GPC3: variants seen among roughly 807,000 people sequenced by gnomAD.
GPC3 encodes glypican-3.
Under a neutral mutation model 34.4 loss-of-function variants are expected in GPC3, and 3 were observed. That is an observed-to-expected ratio of 0.09 (90% CI 0.04 to 0.23). The LOEUF (loss-of-function observed/expected upper bound fraction) is 0.23, where lower values mean the gene tolerates loss of function less well. GPC3 is among the 10% of genes least tolerant of loss of function. The pLI is 1.00. For synonymous variants in GPC3, 177 were observed against 174.0 expected, an observed-to-expected ratio of 1.02 and a Z score of -0.13; for missense variants, 351 against 445.6, an observed-to-expected ratio of 0.79 and a Z score of 1.91.
chrX:133,610,252 G>T (rs2070095873), intron 6 of GPC3, among the ~76,000 whole-genome samples: 1 of 111,417 alleles, frequency 9.0e-6, no homozygotes, highest in Non-Finnish European at 1.9e-5. Flanking sequence ...CATTTTGCTT[G>T]CTCCTGGGAC....
chrX:133,690,114 A>G (rs1349486128), intron 5 of GPC3, among the ~76,000 whole-genome samples: 1 of 111,755 alleles, frequency 8.9e-6, no homozygotes, highest in Non-Finnish European at 1.9e-5. Flanking sequence ...AGGCTGATTT[A>G]CATTTGCCAG....
At chrX:133,702,011 A>C (rs2071172008) in intron 3 of GPC3, among the ~76,000 whole-genome samples, 1 of 112,452 alleles carries the variant, frequency 8.9e-6, no homozygotes, top group African/African-American at 3.2e-5. Flanking sequence ...TTTGGAATGC[A>C]TGATACTGAA....
intron 2 of GPC3, among the ~76,000 whole-genome samples, chrX:133,859,070 G>A (rs1398283346): frequency 2.7e-4 from 27 of 100,621 alleles, no homozygotes; most frequent in African/African-American, 9.6e-4. Context: ...GACAGAGTGA[G>A]ACTCTGTCTC....
At chrX:133,930,270 G>A (rs993121021) in intron 2 of GPC3, among the ~76,000 whole-genome samples, 3 of 112,009 alleles carry the variant, frequency 2.7e-5, no homozygotes, top group Non-Finnish European at 5.6e-5. Flanking sequence ...TGTCACAACT[G>A]GAGAGAGGTA....
intron 7 of GPC3, among the ~76,000 whole-genome samples, chrX:133,570,092 C>A (rs191361939): frequency 2.2e-4 from 24 of 110,873 alleles, no homozygotes; most frequent in African/African-American, 7.5e-4. Context: ...GGGGTTTCAC[C>A]GTGTTAGTCA....
At chrX:133,649,165 G>A (rs1036706411) in intron 6 of GPC3, among the ~76,000 whole-genome samples, 3 of 111,038 alleles carry the variant, frequency 2.7e-5, no homozygotes, top group Admixed American at 9.6e-5. Flanking sequence ...GTAGGTGGGG[G>A]GGATTCTCTA....
At chrX:133,569,050 C>A (rs1181468038) in intron 7 of GPC3, among the ~76,000 whole-genome samples, 2 of 110,849 alleles carry the variant, frequency 1.8e-5, no homozygotes, top group African/African-American at 3.3e-5. Flanking sequence ...GCCTGTAGTC[C>A]CAGCTACTTG....
intron 7 of GPC3, among the ~76,000 whole-genome samples, chrX:133,556,109 A>G (rs1018892163): frequency 6.3e-5 from 7 of 111,889 alleles, no homozygotes; most frequent in African/African-American, 2.3e-4. Context: ...TTATGTTCTT[A>G]TAATTTCTCA....
At chrX:133,806,851 C>T (rs865848377) in intron 2 of GPC3, among the ~76,000 whole-genome samples, 1 of 110,005 alleles carries the variant, frequency 9.1e-6, no homozygotes, top group Non-Finnish European at 1.9e-5. Context: ...GGTTTCACCG[C>T]GTTAGCCAGG....
At chrX:133,884,346 C>T (rs1014556651) in intron 2 of GPC3, among the ~76,000 whole-genome samples, 8 of 111,563 alleles carry the variant, frequency 7.2e-5, no homozygotes, top group African/African-American at 2.6e-4. Context: ...CAACAAGCCC[C>T]TGGGCCTTCA....
At chrX:133,670,982 G>A in intron 5 of GPC3, 2 of 504,380 alleles carry the variant, frequency 4.0e-6, no homozygotes, top group South Asian at 2.8e-5. Flanking sequence ...TGAACGACAC[G>A]GTAACTATCC....
intron 3 of GPC3, among the ~76,000 whole-genome samples, chrX:133,720,147 G>A (rs2071349097): frequency 8.9e-6 from 1 of 111,970 alleles, no homozygotes; most frequent in Non-Finnish European, 1.9e-5. Context: ...AAACAGTATG[G>A]AGAGTCCTTA....
chrX:133,845,695 T>C (rs1035334468), intron 2 of GPC3, among the ~76,000 whole-genome samples: 3 of 111,984 alleles, frequency 2.7e-5, no homozygotes, highest in Non-Finnish European at 5.6e-5. Context: ...AAAAAGAATA[T>C]CAATTGTGTT....
chrX:133,811,679 C>T, intron 2 of GPC3, among the ~76,000 whole-genome samples: 1 of 111,581 alleles, frequency 9.0e-6, no homozygotes, highest in South Asian at 3.7e-4. Flanking sequence ...AGTAGGTCAA[C>T]TTGCATAAAT....
chrX:133,642,575 C>T (rs2070490876), intron 6 of GPC3, among the ~76,000 whole-genome samples: 2 of 109,527 alleles, frequency 1.8e-5, no homozygotes, highest in Admixed American at 9.7e-5. Context: ...AGTTCAAGAC[C>T]AACCTGACCA....
intron 7 of GPC3, among the ~76,000 whole-genome samples, chrX:133,594,132 C>CA (rs2069885295): frequency 9.1e-6 from 1 of 109,647 alleles, no homozygotes; most frequent in African/African-American, 3.5e-5. Context: ...AAAGTATTAA[C>CA]AGAAGCAGAA....
chrX:133,860,154 A>G (rs2075929051), intron 2 of GPC3, among the ~76,000 whole-genome samples: 1 of 111,709 alleles, frequency 9.0e-6, no homozygotes, highest in Non-Finnish European at 1.9e-5. Context: ...CAGGGACCAA[A>G]CAAATCATAT....
chrX:133,894,513 A>G (rs2076103309), intron 2 of GPC3, among the ~76,000 whole-genome samples: 1 of 111,935 alleles, frequency 8.9e-6, no homozygotes, highest in African/African-American at 3.2e-5. Flanking sequence ...GTCGCTGTTA[A>G]TGAGCAGTTT....
At chrX:133,681,425 A>G (rs1221314240) in intron 5 of GPC3, among the ~76,000 whole-genome samples, 1 of 112,428 alleles carries the variant, frequency 8.9e-6, no homozygotes, top group Non-Finnish European at 1.9e-5. Flanking sequence ...CTACATTTCT[A>G]TCAGTAAAAA....
Sources: gnomAD v4.1 joint callset for allele counts (sites outside exome capture counted in the v4.1 genomes callset) on GRCh38, gnomAD v4.1.1 for gene constraint, MANE v1.5 for transcripts, NCBI Gene and HGNC (gene_info 2026-07-23, HGNC 2026-07-21) for gene names.